MSI2: variants seen among roughly 807,000 people sequenced by gnomAD.
MSI2 encodes musashi RNA binding protein 2.
A neutral mutation model predicts 45.6 loss-of-function variants in MSI2; 17 were observed. That is an observed-to-expected ratio of 0.37 (90% CI 0.26 to 0.56). The LOEUF is 0.56. Ranked by LOEUF, MSI2 falls within the 20% of genes least tolerant of loss-of-function variation. MSI2 has a pLI of 0.77. For synonymous variants in MSI2, 156 were observed against 158.2 expected, an observed-to-expected ratio of 0.99 and a Z score of 0.11; for missense variants, 293 against 444.2, an observed-to-expected ratio of 0.66 and a Z score of 3.06.
intron 6 of MSI2, among the ~76,000 whole-genome samples, chr17:57,526,668 G>A (rs2086709542): frequency 6.6e-6 from 1 of 151,942 alleles, no homozygotes; most frequent in Admixed American, 6.6e-5. Flanking sequence ...TCGCATTGAT[G>A]GCTTCTCTGA....
At chr17:57,546,569 A>T (rs2087172329) in intron 7 of MSI2, among the ~76,000 whole-genome samples, 1 of 152,204 alleles carries the variant, frequency 6.6e-6, no homozygotes. Context: ...CAAATCCAAG[A>T]ATGCCCTTGG....
At chr17:57,365,950 T>G (rs1044206251) in intron 5 of MSI2, among the ~76,000 whole-genome samples, 1 of 152,146 alleles carries the variant, frequency 6.6e-6, no homozygotes, top group Non-Finnish European at 1.5e-5. Context: ...TCTCGCTCTG[T>G]CACCCAGGCT....
chr17:57,293,398 G>A lies in MSI2; in HGVS notation c.312+31206G>A, dbSNP rs1292198449. Among the ~76,000 whole-genome samples, 5 of 152,134 alleles carry A rather than the reference G, an allele frequency of 3.3e-5. No homozygotes were observed. The East Asian group carries it at 5.8e-4, about 18-fold the overall frequency. ...TGTCAGGTTGAGGCCTGCTCTGAACGCCTGAGCACTGCGATCCTGATGTGG... is the reference window on the plus strand; with the variant it reads ...TGTCAGGTTGAGGCCTGCTCTGAACACCTGAGCACTGCGATCCTGATGTGG... On this transcript the variant is annotated intron_variant, in intron 5 of 13. Transcript: ENST00000284073.
chr17:57,506,631 T>C (rs1413415564), intron 6 of MSI2, among the ~76,000 whole-genome samples: 1 of 152,144 alleles, frequency 6.6e-6, no homozygotes, highest in Non-Finnish European at 1.5e-5. Flanking sequence ...AGAAGGCTGC[T>C]GTCGGGGGAG....
At chr17:57,604,885 C>G (rs939552182) in intron 8 of MSI2, among the ~76,000 whole-genome samples, 1 of 151,336 alleles carries the variant, frequency 6.6e-6, no homozygotes, top group African/African-American at 2.4e-5. Context: ...CCCCCCCACT[C>G]CTTCCAGCTG....
intron 7 of MSI2, among the ~76,000 whole-genome samples, chr17:57,594,978 C>T (rs1015338527): frequency 1.3e-5 from 2 of 152,182 alleles, no homozygotes; most frequent in African/African-American, 4.8e-5. Context: ...TGCTGTGTTT[C>T]GTGGTCCTAG....
intron 7 of MSI2, among the ~76,000 whole-genome samples, chr17:57,541,151 T>TAGAGAGAGAG (rs55999583): frequency 6.0e-5 from 9 of 149,016 alleles, no homozygotes; most frequent in East Asian, 2.0e-4. Context: ...TACATTTTGG[T>TAGAGAGAGAG]AGAGAGAGAG....
At chr17:57,700,883 C>A in the MSI2 span, among the ~76,000 whole-genome samples, 1 of 149,624 alleles carries the variant, frequency 6.7e-6, no homozygotes, top group African/African-American at 2.5e-5. Flanking sequence ...GACTGGGCAA[C>A]AAGAGCAAAA....
chr17:57,255,943 C>T (rs1906672545), upstream of MSI2: 1 of 152,038 alleles, frequency 6.6e-6, no homozygotes, highest in African/African-American at 2.4e-5. Context: ...GCCCCCCGAT[C>T]CTGGGGCGTC....
At chr17:57,633,977 G>T (rs1241346462) in intron 10 of MSI2, among the ~76,000 whole-genome samples, 1 of 152,056 alleles carries the variant, frequency 6.6e-6, no homozygotes, top group East Asian at 1.9e-4. Context: ...CCTCCCCACC[G>T]TCAGGCCCCA....
chr17:57,356,039 A>G (rs1347987593), intron 5 of MSI2, among the ~76,000 whole-genome samples: 1 of 151,602 alleles, frequency 6.6e-6, no homozygotes, highest in Non-Finnish European at 1.5e-5. Context: ...ACGCCCAGCT[A>G]ATTTTTTCTG....
At chr17:57,673,501 G>A (rs1025688263) in intron 11 of MSI2, among the ~76,000 whole-genome samples, 5 of 152,182 alleles carry the variant, frequency 3.3e-5, no homozygotes, top group Admixed American at 6.5e-5. Context: ...TCTTTAAGAC[G>A]GGTTAGCCGT....
chr17:57,506,722 T>C (rs767256656), intron 6 of MSI2, among the ~76,000 whole-genome samples: 5 of 152,176 alleles, frequency 3.3e-5, no homozygotes, highest in Non-Finnish European at 7.3e-5. Flanking sequence ...TTGATTCGAG[T>C]TGAGCAAATC....
rs1040206652 is a variant in MSI2, at chr17:57,328,345, T to C, written c.312+66153T>C. ...TCCATCCATCCATGCATCCATCCAT[T>C]CATCCATCCTTCATCCATCAATCCA... On this transcript the variant is annotated intron_variant, in intron 5 of 13. Transcript: ENST00000284073. Among the ~76,000 whole-genome samples, 6 of 144,372 alleles carry C rather than the reference T, an allele frequency of 4.2e-5. No homozygotes were observed. The East Asian group carries it at 1.2e-3, about 29-fold the overall frequency. 94.7% of individuals were successfully genotyped at this position (144,372 alleles called of 152,430 possible). A position where few individuals can be genotyped will look rare whatever the true frequency, so the allele number is the denominator to read the frequency against.
chr17:57,523,302 C>T (rs1017245343), intron 6 of MSI2, among the ~76,000 whole-genome samples: 3 of 152,234 alleles, frequency 2.0e-5, no homozygotes, highest in African/African-American at 7.2e-5. Context: ...CCCACCTCTG[C>T]CTCCCAAAGT....
At chr17:57,275,823 G>T (rs1214028352) in intron 5 of MSI2, among the ~76,000 whole-genome samples, 1 of 152,204 alleles carries the variant, frequency 6.6e-6, no homozygotes, top group African/African-American at 2.4e-5. Context: ...CATATTTGCT[G>T]CTCCATTAAG....
intron 6 of MSI2, among the ~76,000 whole-genome samples, chr17:57,523,191 G>A (rs2086629573): frequency 6.6e-6 from 1 of 152,180 alleles, no homozygotes; most frequent in South Asian, 2.1e-4. Context: ...GGGATTACAA[G>A]CACACACCAC....
chr17:57,647,445 T>C (rs1910761989), intron 10 of MSI2, among the ~76,000 whole-genome samples: 1 of 109,994 alleles, frequency 9.1e-6, no homozygotes, highest in African/African-American at 3.5e-5. Context: ...TGAGACTCTG[T>C]CTCAAAAAAA....
intron 6 of MSI2, among the ~76,000 whole-genome samples, chr17:57,456,347 C>T (rs754998507): frequency 3.9e-5 from 6 of 152,180 alleles, no homozygotes; most frequent in East Asian, 1.9e-4. Flanking sequence ...CAGTGGCTCA[C>T]GCCTATAATC....
Sources: allele counts gnomAD v4.1 joint callset (sites outside exome capture counted in the v4.1 genomes callset), GRCh38; gene constraint gnomAD v4.1.1; transcripts MANE v1.5; gene names NCBI Gene and HGNC (gene_info 2026-07-23, HGNC 2026-07-21).